GOLM2: variants seen among roughly 807,000 people sequenced by gnomAD.
The protein encoded by GOLM2 is golgi membrane protein 2.
In GOLM2, 26 loss-of-function variants were observed where a neutral mutation model predicts 55.9. That is an observed-to-expected ratio of 0.47 (90% CI 0.34 to 0.65). GOLM2 has a LOEUF of 0.65. Among genes scored for constraint, GOLM2 ranks in the 30% least tolerant of loss-of-function variants. The pLI, the probability that GOLM2 is intolerant of heterozygous loss-of-function variation, is 0.01. For missense variants in GOLM2, 486 were observed against 531.8 expected (o/e 0.91, Z 0.85); for synonymous variants, 165 against 194.6 (o/e 0.85, Z 1.27).
At chr15:44,302,262 A>G (rs910314476) in intron 1 of GOLM2, among the ~76,000 whole-genome samples, 1 of 149,918 alleles carries the variant, frequency 6.7e-6, no homozygotes, top group Non-Finnish European at 1.5e-5. Flanking sequence ...CTCCTGCCTC[A>G]GCCTCCCAAG....
intron 8 of GOLM2, among the ~76,000 whole-genome samples, chr15:44,382,704 A>G (rs1177345765): frequency 4.6e-5 from 7 of 151,786 alleles, no homozygotes; most frequent in Non-Finnish European, 1.0e-4. Flanking sequence ...TTTTTAACTG[A>G]TATTTGGGTA....
At chr15:44,344,980 CT>C (rs1203762614) in intron 6 of GOLM2, among the ~76,000 whole-genome samples, 223 of 138,334 alleles carry the variant, frequency 1.6e-3, no homozygotes, top group Admixed American at 2.1e-3. Flanking sequence ...CTAATTTTTT[CT>C]TTTTTTTTTT....
chr15:44,343,300 T>C (rs2079100796), intron 6 of GOLM2, among the ~76,000 whole-genome samples: 1 of 149,848 alleles, frequency 6.7e-6, no homozygotes, highest in African/African-American at 2.5e-5. Context: ...GCCTCTGCAC[T>C]CCAACCTGGA....
At chr15:44,341,548 C>A (rs2079090630) in intron 6 of GOLM2, among the ~76,000 whole-genome samples, 1 of 152,036 alleles carries the variant, frequency 6.6e-6, no homozygotes, top group Non-Finnish European at 1.5e-5. Flanking sequence ...CTTGTCTTGA[C>A]CATTATTAGG....
At chr15:44,349,263 A>G (rs1317670851) in intron 6 of GOLM2, among the ~76,000 whole-genome samples, 3 of 151,620 alleles carry the variant, frequency 2.0e-5, no homozygotes, top group Admixed American at 2.0e-4. Context: ...CCGTCTCAAA[A>G]AAAAAAAAAA....
intron 1 of GOLM2, among the ~76,000 whole-genome samples, chr15:44,292,918 G>T (rs1343334144): frequency 6.6e-6 from 1 of 152,070 alleles, no homozygotes; most frequent in African/African-American, 2.4e-5. Context: ...GGGCTCAAGC[G>T]ATCCTCCCAC....
At chr15:44,398,969 C>T (rs968729736) in intron 8 of GOLM2, among the ~76,000 whole-genome samples, 3 of 151,848 alleles carry the variant, frequency 2.0e-5, no homozygotes, top group Non-Finnish European at 2.9e-5. Context: ...TGCCTGGCCC[C>T]GTAATTATCT....
chr15:44,407,097 A>T (rs2079601954), intron 9 of GOLM2, among the ~76,000 whole-genome samples: 1 of 146,678 alleles, frequency 6.8e-6, no homozygotes, highest in African/African-American at 2.5e-5. Context: ...ATTTTAATAA[A>T]AATGTTTGCA....
chr15:44,369,723 C>CAT (rs751103758), intron 6 of GOLM2, among the ~76,000 whole-genome samples: 67 of 140,632 alleles, frequency 4.8e-4, no homozygotes, highest in African/African-American at 1.1e-3. Context: ...CACACACACA[C>CAT]ATATATATAT....
At chr15:44,309,362 G>A (rs2078858660) in intron 1 of GOLM2, among the ~76,000 whole-genome samples, 1 of 152,178 alleles carries the variant, frequency 6.6e-6, no homozygotes, top group Non-Finnish European at 1.5e-5. Flanking sequence ...TTTCAGTTAT[G>A]CAAGATGAGT....
rs574042350 is a variant in GOLM2, at chr15:44,320,341, C to T, written c.328-2624C>T. ...TGAGATAGGGTCTTGCTCTGTCTCC[C>T]AGGCTGGAGTACACTGGTGCAATCC... On this transcript the variant is annotated intron_variant, in intron 1 of 9. Coordinates refer to ENST00000299957, the MANE Select transcript of GOLM2 (RefSeq NM_138423.4). Among the ~76,000 whole-genome samples the T allele has an allele frequency of 7.8e-4, 118 of 152,154 alleles. 1 individual carries two copies. Among genetic ancestry groups the T allele is most frequent in the African/African-American group, 2.0e-3 (84 of 41,516 alleles).
intron 8 of GOLM2, among the ~76,000 whole-genome samples, chr15:44,384,927 A>G (rs929177047): frequency 1.3e-5 from 2 of 151,754 alleles, no homozygotes; most frequent in African/African-American, 2.4e-5. Context: ...AAAAAAAATC[A>G]TACAGTATGT....
chr15:44,323,411 A>G (rs1157475821), intron 2 of GOLM2, among the ~76,000 whole-genome samples: 1 of 151,928 alleles, frequency 6.6e-6, no homozygotes, highest in Non-Finnish European at 1.5e-5. Context: ...GATGCTTTGG[A>G]TAGAGCCTCC....
intron 1 of GOLM2, among the ~76,000 whole-genome samples, chr15:44,311,110 A>C (rs943633053): frequency 6.6e-6 from 1 of 152,212 alleles, no homozygotes; most frequent in Non-Finnish European, 1.5e-5. Context: ...AAGAATATGG[A>C]TATAAACTTT....
At chr15:44,359,536 T>G (rs944029850) in intron 6 of GOLM2, among the ~76,000 whole-genome samples, 7 of 152,044 alleles carry the variant, frequency 4.6e-5, no homozygotes, top group Non-Finnish European at 8.8e-5. Flanking sequence ...TGCAGTGAGC[T>G]GAGATTGCAC....
chr15:44,332,045 A>C lies in GOLM2; in HGVS notation c.543A>C (p.Lys181Asn), dbSNP rs781036371. ...ELRAQHEENI[K>N]KLADQFLEEQ... is the part of the protein sequence containing the mutation. ...GAGCACAGCATGAAGAAAATATTAAAAAGTTAGCAGACCAGTTTTTAGAGG... is the reference window on the plus strand; with the variant it reads ...GAGCACAGCATGAAGAAAATATTAACAAGTTAGCAGACCAGTTTTTAGAGG... Residue 181 changes from lysine (K) to asparagine (N), a missense_variant, in exon 4 of 10, where the codon AAA (lysine) becomes AAC (asparagine). Transcript: ENST00000299957. 6.9e-6 allele frequency: 11 copies of C among 1,601,900 alleles called. No individual in the cohort carries two copies. Among genetic ancestry groups the C allele is most frequent in the Non-Finnish European group, 9.4e-6 (11 of 1,173,634 alleles).
chr15:44,327,305 A>G lies in GOLM2; in HGVS notation c.383-1380A>G, dbSNP rs940636565. 2.4e-4 allele frequency among the ~76,000 whole-genome samples: 36 copies of G among 151,128 alleles called. 1 individual carries two copies. Among genetic ancestry groups the G allele is most frequent in the Admixed American group, 1.9e-3 (29 of 15,196 alleles). On this transcript the variant is annotated intron_variant, in intron 2 of 9. Coordinates refer to ENST00000299957, the MANE Select transcript of GOLM2 (RefSeq NM_138423.4). ...CATGGTGGCTCACGTCTGTAATCCC[A>G]GCACTTTGGGAGATTTAGGCAGAAG...
chr15:44,296,673 G>A (rs1024245321), intron 1 of GOLM2, among the ~76,000 whole-genome samples: 2 of 152,042 alleles, frequency 1.3e-5, no homozygotes, highest in Non-Finnish European at 2.9e-5. Context: ...TCCAGGATGG[G>A]ACTCTGTCTG....
At chr15:44,295,679 C>T (rs1277288409) in intron 1 of GOLM2, among the ~76,000 whole-genome samples, 1 of 152,310 alleles carries the variant, frequency 6.6e-6, no homozygotes, top group East Asian at 1.9e-4. Context: ...TTGCAGATGG[C>T]AACCTTCTTG....
Sources: allele counts gnomAD v4.1 joint callset (sites outside exome capture counted in the v4.1 genomes callset), GRCh38; gene constraint gnomAD v4.1.1; transcripts MANE v1.5; gene names NCBI Gene and HGNC (gene_info 2026-07-23, HGNC 2026-07-21).